ZNF609: variants seen among roughly 807,000 people sequenced by gnomAD.
ZNF609 encodes the protein zinc finger protein 609.
A neutral mutation model predicts 109.5 loss-of-function variants in ZNF609; 11 were observed. The observed-to-expected ratio is 0.10, with a 90% CI of 0.06 to 0.17. The LOEUF is 0.17. Ranked by LOEUF, ZNF609 falls within the 10% of genes least tolerant of loss-of-function variation. The pLI, the probability that ZNF609 is intolerant of heterozygous loss-of-function variation, is 1.00. For missense variants in ZNF609, 1,559 were observed against 1,772.4 expected (o/e 0.88, Z 2.16); for synonymous variants, 646 against 662.0 (o/e 0.98, Z 0.37).
At chr15:64,644,657 T>G (rs1896304810) in intron 3 of ZNF609, among the ~76,000 whole-genome samples, 1 of 152,218 alleles carries the variant, frequency 6.6e-6, no homozygotes. Context: ...AATGGTTTGG[T>G]GCCCAAGGAC....
chr15:64,630,782 T>C (rs545588491), intron 3 of ZNF609, among the ~76,000 whole-genome samples: 1 of 151,322 alleles, frequency 6.6e-6, no homozygotes, highest in South Asian at 2.1e-4. Context: ...TCTCCATTCT[T>C]TTGTTTTCTT....
intron 2 of ZNF609, among the ~76,000 whole-genome samples, chr15:64,598,740 GTGTATATATATATATATATA>G (rs1283766210): frequency 2.0e-4 from 17 of 84,720 alleles, no homozygotes; most frequent in African/African-American, 7.2e-4. Flanking sequence ...ATCTTTGTGT[GTGTATATATATATATATATA>G]TATATATATA....
chr15:64,674,328 C>G lies in ZNF609; in HGVS notation c.1474C>G (p.Pro492Ala), dbSNP rs1896778045. 1 of 1,614,150 alleles carries G rather than the reference C, an allele frequency of 6.2e-7. No individual in the cohort carries two copies. The highest frequency in any genetic ancestry group is 8.5e-7 in the Non-Finnish European group (1 of 1,180,036). Residue 492 changes from proline to alanine, a missense_variant, in exon 5 of 10, where the codon CCC (proline) becomes GCC (alanine). By Grantham distance (27) the Pro-to-Ala change is conservative (BLOSUM62 -1). Coordinates refer to ENST00000326648, the MANE Select transcript of ZNF609 (RefSeq NM_015042.2). ...PTVLDRNCPS[P>A]VLIDCPHPNC... ...TGTTCTGGACAGAAACTGCCCCTCC[C>G]CCGTCCTAATTGACTGTCCCCACCC...
At chr15:64,671,067 G>A (rs1302190578) in intron 4 of ZNF609, among the ~76,000 whole-genome samples, 30 of 150,914 alleles carry the variant, frequency 2.0e-4, no homozygotes, top group Middle Eastern at 3.5e-3. Flanking sequence ...AAAATTAGCC[G>A]GGCGTGGTGG....
chr15:64,577,088 A>G (rs558634461), intron 2 of ZNF609, among the ~76,000 whole-genome samples: 7 of 122,340 alleles, frequency 5.7e-5, no homozygotes, highest in Non-Finnish European at 1.2e-4. Context: ...ATATATACAT[A>G]TATGTATATA....
At position 64,504,282 on chromosome 15, in the gene ZNF609, A is replaced by G. The variant is rs181272857; in HGVS notation, c.747+4116A>G. Among the ~76,000 whole-genome samples, 369 of 152,270 alleles carry G rather than the reference A, an allele frequency of 2.4e-3. 2 individuals are homozygous for G. Among genetic ancestry groups the G allele is most frequent in the Admixed American group, 3.9e-3 (59 of 15,302 alleles). ...TTCCAGAGAAAGATTATCTTGTCCA[A>G]TTTCCTCATTTTATAGAAGAAACTA... On this transcript the variant is annotated intron_variant, in intron 2 of 9. Transcript: ENST00000326648.
At chr15:64,632,756 C>A (rs1439754816) in intron 3 of ZNF609, among the ~76,000 whole-genome samples, 2 of 152,072 alleles carry the variant, frequency 1.3e-5, no homozygotes, top group Non-Finnish European at 2.9e-5. Flanking sequence ...ACGTGAGCCA[C>A]CATGCCTGGC....
chr15:64,633,432 C>G (rs1178203037), intron 3 of ZNF609, among the ~76,000 whole-genome samples: 1 of 152,084 alleles, frequency 6.6e-6, no homozygotes, highest in African/African-American at 2.4e-5. Flanking sequence ...TAGGCGTGAA[C>G]CACTACACCT....
chr15:64,641,215 C>CTTTGTTTTTTTT (rs1437729494), intron 3 of ZNF609, among the ~76,000 whole-genome samples: 1 of 18,130 alleles, frequency 5.5e-5, no homozygotes, highest in Non-Finnish European at 1.4e-4. Context: ...TACACTTGTG[C>CTTTGTTTTTTTT]TTTCTTTTTT....
chr15:64,524,746 A>C (rs1893946594), intron 2 of ZNF609, among the ~76,000 whole-genome samples: 1 of 151,976 alleles, frequency 6.6e-6, no homozygotes, highest in Non-Finnish European at 1.5e-5. Flanking sequence ...CCTTATTTTG[A>C]CTGTTAATGG....
chr15:64,496,927 C>T (rs1399176359), intron 1 of ZNF609, among the ~76,000 whole-genome samples: 1 of 152,172 alleles, frequency 6.6e-6, no homozygotes, highest in Non-Finnish European at 1.5e-5. Context: ...CATCCTCCCA[C>T]CTTTCAGCTC....
chr15:64,528,310 G>T (rs561580647), intron 2 of ZNF609, among the ~76,000 whole-genome samples: 2 of 151,550 alleles, frequency 1.3e-5, no homozygotes, highest in Non-Finnish European at 1.5e-5. Context: ...TATTAGCCAG[G>T]CTGGTCTCGA....
intron 2 of ZNF609, among the ~76,000 whole-genome samples, chr15:64,535,398 C>G (rs908338327): frequency 4.6e-5 from 7 of 152,108 alleles, no homozygotes; most frequent in Admixed American, 3.9e-4. Flanking sequence ...TTGGCTTTTT[C>G]AATCAGCATA....
intron 2 of ZNF609, among the ~76,000 whole-genome samples, chr15:64,609,749 C>T (rs188980110): frequency 2.1e-4 from 32 of 149,604 alleles, no homozygotes; most frequent in African/African-American, 7.1e-4. Context: ...AAAATAAGGC[C>T]GGGTGTGGTG....
Position 64,622,997 on chromosome 15 carries a change from T to C in ZNF609, c.918T>C (p.Cys306=), listed in dbSNP as rs1895901008. 3 of 1,614,236 alleles carry C rather than the reference T, an allele frequency of 1.9e-6. 1 individual carries two copies. The highest frequency in any genetic ancestry group is 2.5e-6 in the Non-Finnish European group (3 of 1,180,032). The change falls in exon 3 of 10, where the codon TGT becomes TGC. Residue 306 remains cysteine (C), a synonymous_variant. Transcript: ENST00000326648. ...CAGAGCCTGAGTGCTTGGGCCCCTG[T>C]GAACCTGGAACTAGCGTCAACCTTG... is the stretch of plus-strand genomic sequence containing the variant. ...LATEPECLGP[C]EPGTSVNLEG...
intron 3 of ZNF609, among the ~76,000 whole-genome samples, chr15:64,668,600 T>G (rs1296368644): frequency 6.6e-6 from 1 of 152,060 alleles, no homozygotes; most frequent in Non-Finnish European, 1.5e-5. Flanking sequence ...GACAAGAGGA[T>G]AGCTTGAGCC....
At chr15:64,642,888 G>GA (rs1214920522) in intron 3 of ZNF609, among the ~76,000 whole-genome samples, 1 of 152,122 alleles carries the variant, frequency 6.6e-6, no homozygotes, top group Non-Finnish European at 1.5e-5. Context: ...AATTTAAGAA[G>GA]AAAATCTTAG....
chr15:64,671,679 G>T (rs1896733377), intron 4 of ZNF609, among the ~76,000 whole-genome samples: 1 of 152,120 alleles, frequency 6.6e-6, no homozygotes, highest in African/African-American at 2.4e-5. Flanking sequence ...CAGGCGTTGA[G>T]GGTAACTTGC....
At chr15:64,643,656 T>A (rs1044190340) in intron 3 of ZNF609, 1 of 152,080 alleles carries the variant, frequency 6.6e-6, no homozygotes, top group Non-Finnish European at 1.5e-5. Context: ...AGGACCAAAT[T>A]GAACAACAAT....
Sources: allele counts gnomAD v4.1 joint callset (sites outside exome capture counted in the v4.1 genomes callset), GRCh38; gene constraint gnomAD v4.1.1; transcripts MANE v1.5; gene names NCBI Gene and HGNC (gene_info 2026-07-23, HGNC 2026-07-21).